DACH1: variants seen among roughly 807,000 people sequenced by gnomAD.
The protein encoded by DACH1 is dachshund family transcription factor 1, also known as dachshund homolog 1.
In DACH1, 12 loss-of-function variants were observed where a neutral mutation model predicts 54.2. The ratio of observed to expected loss-of-function variants is 0.22; its 90% CI spans 0.14 to 0.36. The LOEUF is 0.36. DACH1 is among the 10% of genes least tolerant of loss of function. The pLI is 1.00. For synonymous variants in DACH1, 386 were observed against 366.2 expected, an observed-to-expected ratio of 1.05 and a Z score of -0.62; for missense variants, 805 against 929.8, an observed-to-expected ratio of 0.87 and a Z score of 1.75.
intron 2 of DACH1, among the ~76,000 whole-genome samples, chr13:71,679,528 T>G (rs1164957362): frequency 6.6e-6 from 1 of 152,020 alleles, no homozygotes; most frequent in Non-Finnish European, 1.5e-5. Flanking sequence ...TGTGAGAAAG[T>G]AACAATTCAG....
At chr13:71,845,081 T>C (rs1003834804) in intron 1 of DACH1, among the ~76,000 whole-genome samples, 10 of 152,064 alleles carry the variant, frequency 6.6e-5, no homozygotes, top group African/African-American at 2.2e-4. Flanking sequence ...TAATATGTGA[T>C]ATAGGTTCAA....
chr13:71,759,089 T>G lies in DACH1; in HGVS notation c.849-77179A>C, dbSNP rs147166418. On this transcript the variant is annotated intron_variant, in intron 1 of 10. Coordinates refer to ENST00000613252, the MANE Select transcript of DACH1 (RefSeq NM_080759.6). Reference sequence around the variant, plus strand: ...TCACTGGTCTGGAACTTTTGGACAATGCTGAATCTGTTACCTTTTTTTCCC... The same window carrying G: ...TCACTGGTCTGGAACTTTTGGACAAGGCTGAATCTGTTACCTTTTTTTCCC... Among the ~76,000 whole-genome samples, 175 of 152,234 alleles carry G rather than the reference T, an allele frequency of 1.1e-3. 2 individuals carry two copies. Among genetic ancestry groups the G allele is most frequent in the African/African-American group, 4.0e-3 (167 of 41,542 alleles).
intron 3 of DACH1, among the ~76,000 whole-genome samples, chr13:71,575,069 A>ATT (rs1231912052): frequency 6.6e-6 from 1 of 151,902 alleles, no homozygotes; most frequent in African/African-American, 2.4e-5. Context: ...AGTACATGCA[A>ATT]TTTTTTTATT....
intron 1 of DACH1, among the ~76,000 whole-genome samples, chr13:71,820,809 A>G (rs1013909360): frequency 6.6e-6 from 1 of 152,222 alleles, no homozygotes; most frequent in African/African-American, 2.4e-5. Flanking sequence ...GCTGTTCTAC[A>G]AAAGTGGAAG....
At position 71,693,405 on chromosome 13, in the gene DACH1, C is replaced by CCATT. The variant is rs557598896; in HGVS notation, c.849-11499_849-11496dup. ...GCAAGCTCCGCCTCCTGGGTTCACG[C>CCATT]CATTCTCCTGCCTCAGCCTCCCGAG... On this transcript the variant is annotated intron_variant, in intron 1 of 10. Transcript: ENST00000613252. Among the ~76,000 whole-genome samples the CCATT allele has an allele frequency of 6.7e-5, 10 of 148,928 alleles. No individual in the cohort carries two copies. The East Asian group carries it at 1.4e-3, about 21-fold the overall frequency.
intron 4 of DACH1, among the ~76,000 whole-genome samples, chr13:71,571,477 A>ATCT (rs1247550637): frequency 6.6e-6 from 1 of 152,130 alleles, no homozygotes. Flanking sequence ...CTCTTAGAGA[A>ATCT]GAGTTTTCAA....
intron 1 of DACH1, among the ~76,000 whole-genome samples, chr13:71,692,159 A>G (rs1359720276): frequency 1.3e-5 from 2 of 152,192 alleles, no homozygotes; most frequent in African/African-American, 4.8e-5. Flanking sequence ...TTCATAAAGT[A>G]TTAAATAAAA....
intron 10 of DACH1, among the ~76,000 whole-genome samples, chr13:71,442,139 T>C (rs1387879342): frequency 2.0e-5 from 3 of 152,066 alleles, no homozygotes; most frequent in East Asian, 1.9e-4. Flanking sequence ...TATTCATTCA[T>C]CCTATTTTTT....
At chr13:71,831,383 T>TA (rs199881864) in intron 1 of DACH1, among the ~76,000 whole-genome samples, 11 of 150,992 alleles carry the variant, frequency 7.3e-5, no homozygotes, top group South Asian at 2.1e-4. Flanking sequence ...AAATACAAGT[T>TA]AAAAAAAAAT....
intron 1 of DACH1, among the ~76,000 whole-genome samples, chr13:71,821,429 A>ATTTAAATTTAAATTTAAATTGTAAGAT (rs1888181563): frequency 7.6e-6 from 1 of 131,122 alleles, no homozygotes; most frequent in Non-Finnish European, 1.6e-5. Flanking sequence ...AAGATTTTAA[A>ATTTAAATTTAAATTTAAATTGTAAGAT]TTTAAATTTA....
rs80277895 is a variant in DACH1 at position 71,456,758 on chromosome 13, A to G, written c.2084-16066T>C. Reference sequence around the variant, plus strand: ...CATGGCTTTAAGAATATTAACTTCTATGTCTTGGATAATAAACGTTGGCTG... The same window carrying G: ...CATGGCTTTAAGAATATTAACTTCTGTGTCTTGGATAATAAACGTTGGCTG... On this transcript the variant is annotated intron_variant, in intron 10 of 10. Coordinates refer to ENST00000613252, the MANE Select transcript of DACH1 (RefSeq NM_080759.6). Among the ~76,000 whole-genome samples the G allele has an allele frequency of 5.8e-3, 878 of 152,170 alleles. 11 individuals are homozygous for G. The highest frequency in any genetic ancestry group is 0.02 in the African/African-American group (829 of 41,552).
intron 8 of DACH1, among the ~76,000 whole-genome samples, chr13:71,476,861 A>C (rs1877565519): frequency 6.6e-6 from 1 of 151,494 alleles, no homozygotes; most frequent in Admixed American, 6.6e-5. Context: ...ATCTTTGTTG[A>C]TGGTTGATAA....
chr13:71,728,725 G>A (rs1028061605), intron 1 of DACH1, among the ~76,000 whole-genome samples: 1 of 151,952 alleles, frequency 6.6e-6, no homozygotes, highest in Non-Finnish European at 1.5e-5. Flanking sequence ...ATCCATGCCT[G>A]AGACACTACT....
intron 1 of DACH1, among the ~76,000 whole-genome samples, chr13:71,856,829 A>C (rs865817486): frequency 6.6e-6 from 1 of 151,968 alleles, no homozygotes; most frequent in South Asian, 2.1e-4. Flanking sequence ...AGACAATTAT[A>C]GTCCACTGCA....
rs998222377 is a variant in DACH1 at position 71,681,812 on chromosome 13, C to G, written c.947G>C (p.Gly316Ala). The G allele has an allele frequency of 3.7e-6, 6 of 1,613,154 alleles. No homozygotes were observed. The highest frequency in any genetic ancestry group is 5.1e-6 in the Non-Finnish European group (6 of 1,179,592). ...PHSVPGLMSP[G>A]IIPPTGLTAA... ...AGTCTTACCTGTTGGTGGAATTATC[C>G]CAGGAGACATGAGACCAGGGACAGA... Residue 316 changes from glycine to alanine, a missense_variant, in exon 2 of 11, where the codon GGG becomes GCG. Transcript: ENST00000613252.
intron 6 of DACH1, among the ~76,000 whole-genome samples, chr13:71,545,414 G>T (rs1283570789): frequency 6.6e-6 from 1 of 151,926 alleles, no homozygotes; most frequent in Non-Finnish European, 1.5e-5. Flanking sequence ...GCAAATTGAA[G>T]AAAGTATAAA....
rs191622675 is a variant in DACH1, at chr13:71,553,498, T to C, written c.1570+3526A>G. Among the ~76,000 whole-genome samples the C allele has an allele frequency of 4.4e-3, 642 of 144,612 alleles. 42 individuals are homozygous for C. Among genetic ancestry groups the C allele is most frequent in the African/African-American group, 0.016 (614 of 38,816 alleles). 94.9% of individuals were successfully genotyped at this position (144,612 alleles called of 152,430 possible). On this transcript the variant is annotated intron_variant, in intron 6 of 10. Coordinates refer to ENST00000613252, the MANE Select transcript of DACH1 (RefSeq NM_080759.6). The stretch of plus-strand genomic sequence containing the variant: ...GGATATATATATACATATATATATA[T>C]ACATATATATGGATGTGAACTGACA...
In DACH1 at chr13:71,653,633, T is replaced by C. The variant is rs147905511; in HGVS notation, c.965-22916A>G. Among the ~76,000 whole-genome samples, 14 of 152,320 alleles carry C rather than the reference T, an allele frequency of 9.2e-5. No homozygotes were observed. The East Asian group carries it at 2.3e-3, about 25-fold the overall frequency. On this transcript the variant is annotated intron_variant, in intron 2 of 10. Transcript: ENST00000613252. ...CTGATGTACCAAAAATATTAGAATA[T>C]TTTGGATGCAAAACAAAGCCTAGGT...
intron 1 of DACH1, among the ~76,000 whole-genome samples, chr13:71,717,671 T>C (rs769793651): frequency 1.2e-4 from 18 of 152,100 alleles, no homozygotes; most frequent in Non-Finnish European, 7.4e-5. Context: ...GAGAGGAAAA[T>C]ATAAAGTCGA....
Sources: allele counts gnomAD v4.1 joint callset (sites outside exome capture counted in the v4.1 genomes callset), GRCh38; gene constraint gnomAD v4.1.1; transcripts MANE v1.5; gene names NCBI Gene and HGNC (gene_info 2026-07-23, HGNC 2026-07-21).